BRCA1: variants seen among roughly 807,000 people sequenced by gnomAD.
The protein encoded by BRCA1 is BRCA1 DNA repair associated.
A neutral mutation model predicts 173.7 loss-of-function variants in BRCA1; 140 were observed. The ratio of observed to expected loss-of-function variants is 0.81; its 90% CI spans 0.70 to 0.93. BRCA1 has a LOEUF of 0.93. Ranked by LOEUF, BRCA1 falls within the 40% of genes least tolerant of loss-of-function variation. BRCA1 has a pLI of 0.00. For synonymous variants in BRCA1, 662 were observed against 756.0 expected, an observed-to-expected ratio of 0.88 and a Z score of 2.04; for missense variants, 1,983 against 2,172.5, an observed-to-expected ratio of 0.91 and a Z score of 1.73.
upstream of BRCA1, among the ~76,000 whole-genome samples, chr17:43,127,021 C>T (rs772934225): frequency 4.6e-5 from 7 of 152,144 alleles, no homozygotes; most frequent in Non-Finnish European, 1.0e-4. Context: ...GCCTGCACCC[C>T]GCTTGAATTC....
chr17:43,067,539 C>T lies in BRCA1; in HGVS notation c.5074+69G>A, dbSNP rs933151704. ...AAAGTGCTGCGATTACAGGCATGCG[C>T]CACCGTGCCTCGCCTCATGTGGTTT... On this transcript the variant is annotated intron_variant, in intron 16 of 22. Transcript: ENST00000357654. The T allele has an allele frequency of 7.6e-6, 10 of 1,311,666 alleles. No homozygotes were observed. The African/African-American group carries it at 1.5e-4, about 19-fold the overall frequency. 81.3% of individuals were successfully genotyped at this position (1,311,666 alleles called of 1,614,324 possible).
chr17:43,054,109 G>C (rs1291138762), intron 19 of BRCA1, among the ~76,000 whole-genome samples: 1 of 152,138 alleles, frequency 6.6e-6, no homozygotes, highest in Non-Finnish European at 1.5e-5. Flanking sequence ...ATTCTGCATG[G>C]AGGAAAAAAT....
In BRCA1 at chr17:43,092,825, T is replaced by G. The variant is rs398122665; in HGVS notation, c.2706A>C (p.Glu902Asp). The change falls in exon 10 of 23, where the codon GAA (glutamate) becomes GAC (aspartate). Residue 902 changes from glutamate (E) to aspartate (D), a missense_variant. Glu to Asp is a conservative substitution (Grantham distance 45). Transcript: ENST00000357654. ...LKKQSPKVTFECEQKEENQGK... is the reference protein window; with the variant it reads ...LKKQSPKVTFDCEQKEENQGK... ...CTTGATTTTCTTCCTTTTGTTCACA[T>G]TCAAAAGTGACTTTTGGACTTTGTT... 7.4e-6 allele frequency: 12 copies of G among 1,614,024 alleles called. No homozygotes were observed. In the South Asian group the frequency reaches 1.3e-4, roughly 18 times the overall value.
intron 1 of BRCA1, chr17:43,124,994 T>G: frequency 2.7e-6 from 1 of 367,944 alleles, no homozygotes. Flanking sequence ...CCAGCCGACG[T>G]TTTTAAAGAC....
In BRCA1 at chr17:43,093,400, T is replaced by C. The variant is rs747046197; in HGVS notation, c.2131A>G (p.Lys711Glu). The C allele has an allele frequency of 6.2e-7, 1 of 1,614,072 alleles. No individual in the cohort carries two copies. Among genetic ancestry groups the C allele is most frequent in the East Asian group, 2.2e-5 (1 of 44,880 alleles). ...TTAAGTTCACTGGTATTTGAACACT[T>C]AGTAAAAGAACCAGGTGCATTTGTT... ...KLTNAPGSFT[K>E]CSNTSELKEF... Residue 711 changes from lysine to glutamate, a missense_variant, in exon 10 of 23, where the codon AAG (lysine) becomes GAG (glutamate). Physicochemically the swap from Lys to Glu is moderately conservative, Grantham distance 56. Coordinates refer to ENST00000357654, the MANE Select transcript of BRCA1 (RefSeq NM_007294.4).
intron 20 of BRCA1, 88 bp downstream of exon 20, chr17:43,050,975 A>G: frequency 2.3e-6 from 3 of 1,302,642 alleles, no homozygotes; most frequent in Non-Finnish European, 3.3e-6. Flanking sequence ...CAATCTGAGG[A>G]ACCCCCATCG....
Position 43,100,265 on chromosome 17 carries a change from T to C in BRCA1, c.442-385A>G, listed in dbSNP as rs548702456. Among the ~76,000 whole-genome samples, 5 of 152,134 alleles carry C rather than the reference T, an allele frequency of 3.3e-5. No individual in the cohort carries two copies. In the East Asian group the frequency reaches 9.6e-4, roughly 29 times the overall value. On this transcript the variant is annotated intron_variant, in intron 6 of 22. Transcript: ENST00000357654. ...TTCAAACCTGATTATGTATTATTTG[T>C]GTAATTTTTGAAGTATTAATATAGC...
chr17:43,074,528 A>G lies in BRCA1; in HGVS notation c.4485-7T>C. On this transcript the variant is annotated splice_region_variant and splice_polypyrimidine_tract_variant and intron_variant, in intron 13 of 22. Coordinates refer to ENST00000357654, the MANE Select transcript of BRCA1 (RefSeq NM_007294.4). ...GCATTTAGAAGGGGATGACCTAGAA[A>G]GATAAATGGAAGGAGAAAACCATCG... 1 of 1,612,188 alleles carries G rather than the reference A, an allele frequency of 6.2e-7. No individual in the cohort carries two copies. The highest frequency in any genetic ancestry group is 8.5e-7 in the Non-Finnish European group (1 of 1,178,268).
At chr17:43,155,900 G>A (rs1186000304) in intron 1 of BRCA1, among the ~76,000 whole-genome samples, 2 of 152,142 alleles carry the variant, frequency 1.3e-5, no homozygotes, top group East Asian at 1.9e-4. Context: ...CTGGTAGTGC[G>A]ACAAGAATGT....
intron 11 of BRCA1, among the ~76,000 whole-genome samples, chr17:43,083,689 T>C (rs1038974948): frequency 1.3e-5 from 2 of 152,140 alleles, no homozygotes; most frequent in African/African-American, 4.8e-5. Flanking sequence ...GAAAGAGCCC[T>C]GAGAAAGCCT....
At chr17:43,102,055 A>G (rs1214580100) in intron 6 of BRCA1, among the ~76,000 whole-genome samples, 1 of 151,232 alleles carries the variant, frequency 6.6e-6, no homozygotes, top group East Asian at 2.0e-4. Context: ...GGTGCATACC[A>G]CCACGCCCAG....
At chr17:43,077,924 G>A (rs2154087724) in intron 12 of BRCA1, among the ~76,000 whole-genome samples, 1 of 151,372 alleles carries the variant, frequency 6.6e-6, no homozygotes, top group Admixed American at 6.6e-5. Flanking sequence ...TAGTAGAGAT[G>A]GGGTTTCTCC....
chr17:43,130,027 G>C (rs1271570216), upstream of BRCA1, among the ~76,000 whole-genome samples: 2 of 152,064 alleles, frequency 1.3e-5, no homozygotes, highest in Non-Finnish European at 2.9e-5. Flanking sequence ...AATTATCTTA[G>C]GGTTTCAAAA....
intron 1 of BRCA1, chr17:43,168,084 C>T (rs771230384): frequency 7.4e-5 from 16 of 216,752 alleles, no homozygotes; most frequent in Non-Finnish European, 1.5e-4. Flanking sequence ...TCTTTTCCTC[C>T]CTTCTATGTA....
chr17:43,145,528 G>A (rs2056115396), intron 1 of BRCA1, among the ~76,000 whole-genome samples: 2 of 152,028 alleles, frequency 1.3e-5, no homozygotes, highest in East Asian at 3.9e-4. Flanking sequence ...GGGTTTCACC[G>A]CATTAGCCAG....
intron 1 of BRCA1, chr17:43,166,789 C>G (rs764081930): frequency 1.3e-5 from 2 of 152,184 alleles, no homozygotes; most frequent in African/African-American, 2.4e-5. Flanking sequence ...AAAATAAAAA[C>G]CAAAGTGCCA....
exon 1 of BRCA1, chr17:43,170,226 A>G (rs1448236741): frequency 5.5e-6 from 1 of 182,894 alleles, no homozygotes; most frequent in Non-Finnish European, 1.2e-5. Flanking sequence ...GTTTTAATTT[A>G]TCTGTAATTC....
At chr17:43,169,881 C>A (rs1026556487) in intron 1 of BRCA1, 3 of 374,716 alleles carry the variant, frequency 8.0e-6, no homozygotes, top group African/African-American at 2.2e-5. Context: ...CGTTTTTTTC[C>A]CCCCCTCTAC....
At chr17:43,151,828 C>A (rs1165697924) in intron 1 of BRCA1, among the ~76,000 whole-genome samples, 1 of 152,168 alleles carries the variant, frequency 6.6e-6, no homozygotes, top group Non-Finnish European at 1.5e-5. Context: ...CACAACTGTT[C>A]AAGGTTGCAA....
Sources: gnomAD v4.1 joint callset for allele counts (sites outside exome capture counted in the v4.1 genomes callset) on GRCh38, gnomAD v4.1.1 for gene constraint, MANE v1.5 for transcripts, NCBI Gene and HGNC (gene_info 2026-07-23, HGNC 2026-07-21) for gene names.